Variants in YWHAQ observed in about 807,000 individuals in gnomAD.
YWHAQ encodes the protein tyrosine 3-monooxygenase/tryptophan 5-monooxygenase activation protein theta.
Under a neutral mutation model 28.3 loss-of-function variants are expected in YWHAQ, and 6 were observed. That is an observed-to-expected ratio of 0.21 (90% confidence interval 0.12 to 0.42). The LOEUF is 0.42. Ranked by LOEUF, YWHAQ falls within the 10% of genes least tolerant of loss-of-function variation. The pLI is 1.00. For synonymous variants in YWHAQ, 143 were observed against 119.1 expected (o/e 1.20, Z -1.31); for missense variants, 201 against 305.6 (o/e 0.66, Z 2.55).
intron 2 of YWHAQ, among the ~76,000 whole-genome samples, chr2:9,629,641 T>TG (rs1667317909): frequency 6.6e-6 from 1 of 151,386 alleles, no homozygotes; most frequent in Non-Finnish European, 1.5e-5. Context: ...CTCTCCTGTT[T>TG]ATGGGGGGTG....
At chr2:9,627,385 G>A (rs143776720) in intron 2 of YWHAQ, among the ~76,000 whole-genome samples, 59 of 152,298 alleles carry the variant, frequency 3.9e-4, no homozygotes, top group African/African-American at 1.3e-3. Flanking sequence ...AAAACCCTAT[G>A]TTAGCACGCA....
chr2:9,614,894 A>G (rs2125071071), intron 2 of YWHAQ, among the ~76,000 whole-genome samples: 1 of 152,336 alleles, frequency 6.6e-6, no homozygotes, highest in South Asian at 2.1e-4. Flanking sequence ...AGGGAAGAAT[A>G]GAGTCAACAG....
intron 2 of YWHAQ, among the ~76,000 whole-genome samples, chr2:9,603,464 G>A (rs912402327): frequency 8.6e-5 from 13 of 150,556 alleles, no homozygotes; most frequent in African/African-American, 9.8e-5. Flanking sequence ...TAGAAGAGAC[G>A]GGGTTTCTCC....
chr2:9,628,485 C>G (rs16867084), intron 2 of YWHAQ, among the ~76,000 whole-genome samples: 4,747 of 152,224 alleles, frequency 0.031, 158 homozygotes, highest in African/African-American at 0.071. Context: ...AGTCACCTTG[C>G]TCGAGAACAA....
intron 2 of YWHAQ, among the ~76,000 whole-genome samples, chr2:9,600,366 T>A (rs1454673512): frequency 1.3e-5 from 2 of 152,168 alleles, no homozygotes; most frequent in African/African-American, 4.8e-5. Flanking sequence ...TTGAAAGAAA[T>A]TCTATTCTAG....
intron 2 of YWHAQ, among the ~76,000 whole-genome samples, chr2:9,620,990 T>C (rs943721566): frequency 1.8e-4 from 28 of 152,198 alleles, no homozygotes; most frequent in African/African-American, 5.5e-4. Flanking sequence ...CTATATCCTT[T>C]GTGGGGTGGA....
intron 2 of YWHAQ, chr2:9,628,731 A>T (rs185415283): frequency 1.3e-5 from 2 of 152,328 alleles, no homozygotes; most frequent in Admixed American, 1.3e-4. Flanking sequence ...TTTTAATACG[A>T]GCAATTCAGT....
chr2:9,584,121 A>C lies in YWHAQ; in HGVS notation c.*1165T>G, dbSNP rs1666301148. On this transcript the variant is annotated 3_prime_UTR_variant, in exon 6 of 6. Transcript: ENST00000238081. ...TTTATACACTTCCAGGCATCCCTAG[A>C]CAAGTGTGTCACAATGCACAATGTG... The C allele has an allele frequency of 6.6e-6, 1 of 152,618 alleles. No homozygotes were observed. The highest frequency in any genetic ancestry group is 1.5e-5 in the Non-Finnish European group (1 of 68,042). 9.5% of individuals were successfully genotyped at this position (152,618 alleles called of 1,614,324 possible). A position where few individuals can be genotyped will look rare whatever the true frequency, so the allele number is the denominator to read the frequency against.
intron 2 of YWHAQ, among the ~76,000 whole-genome samples, chr2:9,597,820 A>T (rs1231014300): frequency 2.0e-5 from 3 of 146,886 alleles, no homozygotes; most frequent in Admixed American, 6.9e-5. Context: ...ACAGAGTTTC[A>T]CTCTTGTTGC....
At chr2:9,605,722 G>A (rs961502165) in intron 2 of YWHAQ, among the ~76,000 whole-genome samples, 4 of 148,464 alleles carry the variant, frequency 2.7e-5, no homozygotes, top group African/African-American at 9.8e-5. Context: ...CACCATGACC[G>A]GCTAATTTTT....
At chr2:9,597,853 G>A (rs958721543) in intron 2 of YWHAQ, among the ~76,000 whole-genome samples, 4 of 150,082 alleles carry the variant, frequency 2.7e-5, no homozygotes, top group East Asian at 2.0e-4. Flanking sequence ...GCAATGGTGC[G>A]ATCTCGCCCA....
At chr2:9,612,033 C>T (rs539638855) in intron 2 of YWHAQ, among the ~76,000 whole-genome samples, 45 of 152,336 alleles carry the variant, frequency 3.0e-4, no homozygotes, top group African/African-American at 9.9e-4. Flanking sequence ...CTCCCAGCCA[C>T]CTACGTTCAT....
At chr2:9,617,529 T>C (rs1355152327) in intron 2 of YWHAQ, among the ~76,000 whole-genome samples, 6 of 152,190 alleles carry the variant, frequency 3.9e-5, no homozygotes, top group African/African-American at 7.2e-5. Flanking sequence ...CAGACGATGG[T>C]TGCTGGTTGC....
intron 2 of YWHAQ, among the ~76,000 whole-genome samples, chr2:9,607,288 CCTCCCAGGTTCAAGTGATT>C (rs964924297): frequency 3.3e-5 from 5 of 150,914 alleles, no homozygotes; most frequent in African/African-American, 1.2e-4. Flanking sequence ...GCAACGTCCA[CCTCCCAGGTTCAAGTGATT>C]CTCCTGCCTC....
chr2:9,616,500 AC>A (rs1218849345), intron 2 of YWHAQ, among the ~76,000 whole-genome samples: 1 of 152,042 alleles, frequency 6.6e-6, no homozygotes, highest in African/African-American at 2.4e-5. Flanking sequence ...AAGGACACTA[AC>A]AAGACAATCC....
chr2:9,597,478 G>A (rs937100767), intron 2 of YWHAQ, among the ~76,000 whole-genome samples: 9 of 151,478 alleles, frequency 5.9e-5, no homozygotes, highest in Non-Finnish European at 1.2e-4. Context: ...AAACCCCGTC[G>A]CTACTAAAAA....
intron 2 of YWHAQ, among the ~76,000 whole-genome samples, chr2:9,601,031 C>T (rs1046091997): frequency 6.6e-6 from 1 of 152,196 alleles, no homozygotes; most frequent in Non-Finnish European, 1.5e-5. Context: ...ATTTCTGTGA[C>T]TTGCTTTATT....
At chr2:9,595,698 CAAAAA>C (rs34902007) in intron 2 of YWHAQ, among the ~76,000 whole-genome samples, 2 of 75,446 alleles carry the variant, frequency 2.7e-5, no homozygotes, top group African/African-American at 4.5e-5. Context: ...AATTCCATCT[CAAAAA>C]AAAAAAAAAA....
intron 2 of YWHAQ, among the ~76,000 whole-genome samples, chr2:9,597,839 G>C (rs1219725887): frequency 6.6e-6 from 1 of 150,588 alleles, no homozygotes; most frequent in Non-Finnish European, 1.5e-5. Flanking sequence ...GCCCAGGCTG[G>C]AGTGCAATGG....
Sources: gnomAD v4.1 joint callset for allele counts (sites outside exome capture counted in the v4.1 genomes callset) on GRCh38, gnomAD v4.1.1 for gene constraint, MANE v1.5 for transcripts, NCBI Gene and HGNC (gene_info 2026-07-23, HGNC 2026-07-21) for gene names.